PBRM1: variants seen among roughly 807,000 people sequenced by gnomAD.
PBRM1 encodes polybromo 1, also known as protein polybromo-1.
PBRM1 carries 27 observed loss-of-function variants against 194.5 expected under a neutral mutation model. The observed-to-expected ratio is 0.14, with a 90% confidence interval of 0.10 to 0.19. The LOEUF is 0.19. Among genes scored for constraint, PBRM1 ranks in the 10% least tolerant of loss-of-function variants. The pLI is 1.00. For synonymous variants in PBRM1, 655 were observed against 693.2 expected (o/e 0.94, Z 0.87); for missense variants, 1,466 against 2,077.2 (o/e 0.71, Z 5.72).
chr3:52,604,598 C>T (rs1387295023), intron 16 of PBRM1, among the ~76,000 whole-genome samples: 3 of 151,908 alleles, frequency 2.0e-5, no homozygotes, highest in African/African-American at 2.4e-5. Context: ...GAAGCTGAGG[C>T]GGGAGGGTCA....
intron 22 of PBRM1, among the ~76,000 whole-genome samples, chr3:52,565,662 C>A: frequency 6.6e-6 from 1 of 151,922 alleles, no homozygotes; most frequent in Non-Finnish European, 1.5e-5. Flanking sequence ...TACAACTCAA[C>A]ATTAAGACAA....
At chr3:52,636,382 G>T (rs1325993249) in intron 10 of PBRM1, among the ~76,000 whole-genome samples, 1 of 152,026 alleles carries the variant, frequency 6.6e-6, no homozygotes, top group Non-Finnish European at 1.5e-5. Flanking sequence ...CAGTGTGTAA[G>T]GACCATAATT....
At chr3:52,551,272 A>G (rs2080926321) in intron 27 of PBRM1, among the ~76,000 whole-genome samples, 1 of 152,226 alleles carries the variant, frequency 6.6e-6, no homozygotes. Context: ...GGAAGTGCAT[A>G]GTTAAATGAG....
chr3:52,548,974 C>G (rs988015944), intron 29 of PBRM1, among the ~76,000 whole-genome samples: 1 of 151,600 alleles, frequency 6.6e-6, no homozygotes, highest in Non-Finnish European at 1.5e-5. Context: ...AATGAATAGC[C>G]TAATCGGTTT....
intron 17 of PBRM1, among the ~76,000 whole-genome samples, chr3:52,592,190 G>C (rs147973737): frequency 0.014 from 2,035 of 149,384 alleles, 17 homozygotes; most frequent in South Asian, 0.036. Context: ...CTGGAGTGCA[G>C]TGGTGCGATC....
intron 5 of PBRM1, among the ~76,000 whole-genome samples, chr3:52,657,351 A>C (rs1221986619): frequency 6.6e-6 from 1 of 151,946 alleles, no homozygotes; most frequent in African/African-American, 2.4e-5. Flanking sequence ...CCAATCAAAA[A>C]ACAAAAAACG....
At chr3:52,587,249 C>T in intron 19 of PBRM1, 104 bp downstream of exon 21, 3 of 893,810 alleles carry the variant, frequency 3.4e-6, no homozygotes, top group Non-Finnish European at 5.4e-6. Flanking sequence ...TAAAAAATAG[C>T]TTAAAACAGA....
intron 12 of PBRM1, 128 bp from the exon 14 acceptor site, chr3:52,627,498 GAA>G: frequency 1.7e-6 from 1 of 597,244 alleles, no homozygotes; most frequent in Non-Finnish European, 3.0e-6. Flanking sequence ...TGTACAAAAT[GAA>G]AGAGTCATTA....
intron 27 of PBRM1, chr3:52,552,023 GC>G (rs1368728040): frequency 6.6e-6 from 1 of 152,134 alleles, no homozygotes; most frequent in Non-Finnish European, 1.5e-5. Flanking sequence ...AAGTAAAAAA[GC>G]TTCTGTTTAA....
At chr3:52,575,679 T>TC (rs1442925833) in intron 22 of PBRM1, among the ~76,000 whole-genome samples, 1 of 147,312 alleles carries the variant, frequency 6.8e-6, no homozygotes, top group African/African-American at 2.6e-5. Context: ...ATAATTTTTT[T>TC]TTTTTTTTTT....
chr3:52,569,331 C>T (rs2086308763), intron 22 of PBRM1, among the ~76,000 whole-genome samples: 1 of 151,978 alleles, frequency 6.6e-6, no homozygotes, highest in Non-Finnish European at 1.5e-5. Context: ...CTGCCTCAGC[C>T]TCCCAAGTAG....
At position 52,550,679 on chromosome 3, in the gene PBRM1, C is replaced by G. The variant is rs372745072; in HGVS notation, c.4681-42G>C. The G allele has an allele frequency of 7.6e-6, 12 of 1,579,296 alleles. No individual in the cohort carries two copies. In the African/African-American group the frequency reaches 1.5e-4, roughly 20 times the overall value. On this transcript the variant is annotated intron_variant, in intron 28 of 29. Coordinates refer to ENST00000296302, the Ensembl canonical transcript of PBRM1. Reference sequence around the variant, plus strand: ...CCACATGGTGAGGCAAAAAGAGACTCTGCACATGTTCTGAGAAGGATAACT... The same window carrying G: ...CCACATGGTGAGGCAAAAAGAGACTGTGCACATGTTCTGAGAAGGATAACT...
At chr3:52,670,752 T>G (rs1287780786) in intron 2 of PBRM1, among the ~76,000 whole-genome samples, 1 of 152,200 alleles carries the variant, frequency 6.6e-6, no homozygotes, top group African/African-American at 2.4e-5. Context: ...CCCAGCTACT[T>G]GGGAGGCTGA....
chr3:52,588,552 CTTTTTT>C (rs36058575), intron 18 of PBRM1, among the ~76,000 whole-genome samples: 2 of 110,142 alleles, frequency 1.8e-5, no homozygotes, highest in African/African-American at 3.4e-5. Flanking sequence ...GTATTTCTTT[CTTTTTT>C]TTTTTTTTTT....
At chr3:52,621,016 A>G (rs559955194) in intron 13 of PBRM1, among the ~76,000 whole-genome samples, 1 of 152,328 alleles carries the variant, frequency 6.6e-6, no homozygotes, top group Admixed American at 6.5e-5. Flanking sequence ...CTCTTTTATA[A>G]TAATAACTGT....
intron 10 of PBRM1, among the ~76,000 whole-genome samples, chr3:52,637,387 T>A (rs936895176): frequency 6.6e-6 from 1 of 151,930 alleles, no homozygotes; most frequent in Admixed American, 6.6e-5. Context: ...ACCCCAACAA[T>A]TCGAGAGGCA....
chr3:52,575,796 G>A (rs2089419695), intron 22 of PBRM1, among the ~76,000 whole-genome samples: 3 of 151,270 alleles, frequency 2.0e-5, no homozygotes, highest in Non-Finnish European at 4.4e-5. Flanking sequence ...TTACAGGCAT[G>A]AGCCACCATG....
chr3:52,675,996 T>TC (rs2097092280), intron 2 of PBRM1, among the ~76,000 whole-genome samples: 1 of 95,566 alleles, frequency 1.0e-5, no homozygotes, highest in Admixed American at 1.2e-4. Context: ...GCGCCTGTAG[T>TC]CCCAGCTACT....
intron 26 of PBRM1, among the ~76,000 whole-genome samples, chr3:52,557,346 A>G (rs1035051224): frequency 6.6e-6 from 1 of 152,218 alleles, no homozygotes. Context: ...CGAAACAGCA[A>G]AAACAGCATC....
Sources: allele counts gnomAD v4.1 joint callset (sites outside exome capture counted in the v4.1 genomes callset), GRCh38; gene constraint gnomAD v4.1.1; transcripts MANE v1.5; gene names NCBI Gene and HGNC (gene_info 2026-07-23, HGNC 2026-07-21).